SUFU: variants seen among roughly 807,000 people sequenced by gnomAD.
The protein encoded by SUFU is SUFU negative regulator of hedgehog signaling.
SUFU carries 7 observed loss-of-function variants against 58.9 expected under a neutral mutation model. That is an observed-to-expected ratio of 0.12 (90% CI 0.07 to 0.22). The LOEUF (loss-of-function observed/expected upper bound fraction) is 0.22. Among genes scored for constraint, SUFU ranks in the 10% least tolerant of loss-of-function variants. The pLI is 1.00. For missense variants in SUFU, 451 were observed against 641.3 expected (o/e 0.70, Z 3.20); for synonymous variants, 232 against 254.8 (o/e 0.91, Z 0.85).
intron 11 of SUFU, 141 bp downstream of exon 11, chr10:102,627,384 G>A (rs1324656138): frequency 2.4e-6 from 2 of 839,082 alleles, no homozygotes; most frequent in East Asian, 4.9e-5. Flanking sequence ...GGCTGCATCT[G>A]TGGGCTCCTC....
At chr10:102,511,285 A>G (rs2062398645) in intron 2 of SUFU, among the ~76,000 whole-genome samples, 1 of 152,064 alleles carries the variant, frequency 6.6e-6, no homozygotes. Context: ...TCTTCCCTCA[A>G]CCTCATTAGC....
chr10:102,593,862 C>G, intron 5 of SUFU, 131 bp from the exon 6 acceptor site: 1 of 1,359,736 alleles, frequency 7.4e-7, no homozygotes, highest in South Asian at 1.2e-5. Context: ...ACGACTCACT[C>G]CCTGACAGTC....
intron 8 of SUFU, among the ~76,000 whole-genome samples, chr10:102,607,138 T>C (rs1414143547): frequency 3.3e-5 from 5 of 150,968 alleles, no homozygotes; most frequent in African/African-American, 1.2e-4. Context: ...AACCTCTGCC[T>C]CCTGAGCTCA....
At chr10:102,573,232 A>T in intron 3 of SUFU, 3 of 707,610 alleles carry the variant, frequency 4.2e-6, no homozygotes, top group South Asian at 2.9e-5. Context: ...CCGTCTTGTG[A>T]AAAGGGCCTC....
chr10:102,518,109 T>C (rs2135654740), intron 2 of SUFU, among the ~76,000 whole-genome samples: 1 of 152,302 alleles, frequency 6.6e-6, no homozygotes. Context: ...AAACATATAA[T>C]TATTATTACA....
chr10:102,588,235 T>C (rs1440204413), intron 3 of SUFU, among the ~76,000 whole-genome samples: 1 of 151,588 alleles, frequency 6.6e-6, no homozygotes, highest in Non-Finnish European at 1.5e-5. Context: ...CTACTAAAAA[T>C]ACAAAAAATT....
rs2063719435 is a variant in SUFU at position 102,619,262 on chromosome 10, A to G, written c.1296+1834A>G. On this transcript the variant is annotated intron_variant, in intron 10 of 11. Transcript: ENST00000369902. The surrounding 1 kb of genome is among the most constrained non-coding windows in gnomAD (Gnocchi z 4.2). ...CAATTCCCCAAGCCCCTGACCCCCT[A>G]GCTGCCGGGGTTCCCACTCCCAGTG... 1.4e-6 allele frequency: 2 copies of G among 1,459,304 alleles called. No homozygotes were observed. Among genetic ancestry groups the G allele is most frequent in the African/African-American group, 2.8e-5 (2 of 70,332 alleles). The allele number at this position is 1,459,304 out of a possible 1,614,324, so 90.4% of individuals were successfully genotyped here. A position where few individuals can be genotyped will look rare whatever the true frequency, so the allele number is the denominator to read the frequency against.
intron 5 of SUFU, 129 bp downstream of exon 5, chr10:102,593,850 T>C (rs1236305716): frequency 7.3e-7 from 1 of 1,366,880 alleles, no homozygotes; most frequent in African/African-American, 1.4e-5. Context: ...CAGGGCTTCC[T>C]GACGACTCAC....
Position 102,615,503 on chromosome 10 carries a change from C to T in SUFU, c.1157+101C>T, listed in dbSNP as rs2063676928. On this transcript the variant is annotated intron_variant, in intron 9 of 11. Transcript: ENST00000369902. ...CCCAGCCCCCTCCCCCAGCAGGCGTCCTCCAGGGCCTCCAAGGAGCCACCA... is the reference window on the plus strand; with the variant it reads ...CCCAGCCCCCTCCCCCAGCAGGCGTTCTCCAGGGCCTCCAAGGAGCCACCA... The T allele has an allele frequency of 5.1e-6, 8 of 1,553,582 alleles. No homozygotes were observed. The East Asian group carries it at 1.8e-4, about 35-fold the overall frequency.
chr10:102,632,515 C>T lies in SUFU; in HGVS notation c.*2360C>T, dbSNP rs2063846339. On this transcript the variant is annotated 3_prime_UTR_variant, in exon 12 of 12. Coordinates refer to ENST00000369902, the MANE Select transcript of SUFU (RefSeq NM_016169.4). ...GGGCATTGGTGCCTCCCAGAGGTTT[C>T]TTGGGCTGCTGGCTGGTGAGAGAGG... The T allele has an allele frequency of 4.3e-6, 1 of 233,286 alleles. No individual in the cohort carries two copies. The highest frequency in any genetic ancestry group is 2.2e-5 in the African/African-American group (1 of 45,360). 14.5% of individuals were successfully genotyped at this position (233,286 alleles called of 1,614,324 possible). A position where few individuals can be genotyped will look rare whatever the true frequency, so the allele number is the denominator to read the frequency against.
intron 2 of SUFU, among the ~76,000 whole-genome samples, chr10:102,513,634 G>T (rs1356367451): frequency 6.6e-6 from 1 of 152,242 alleles, no homozygotes; most frequent in Admixed American, 6.5e-5. Context: ...TTCTAGTGAG[G>T]CTGCTGAATT....
intron 8 of SUFU, among the ~76,000 whole-genome samples, chr10:102,610,912 CAGAG>C (rs1318363707): frequency 1.3e-5 from 2 of 152,166 alleles, no homozygotes; most frequent in African/African-American, 4.8e-5. Context: ...ATTTCGTTGA[CAGAG>C]GGAGTGCAGT....
intron 3 of SUFU, among the ~76,000 whole-genome samples, chr10:102,581,724 C>A (rs1190507311): frequency 1.3e-5 from 2 of 152,208 alleles, no homozygotes; most frequent in Admixed American, 1.3e-4. Flanking sequence ...GTCTGTGTTA[C>A]TGGGGACATG....
intron 3 of SUFU, among the ~76,000 whole-genome samples, chr10:102,566,083 A>G (rs1160520950): frequency 6.6e-6 from 1 of 152,170 alleles, no homozygotes; most frequent in African/African-American, 2.4e-5. Context: ...GCAGGAGGTA[A>G]AGCACTTTGA....
rs1174152644 is a variant in SUFU, at chr10:102,607,179, T to C, written c.1022+7635T>C. ...TCTTCCCTCCTCAGCCTCCTGAGTA[T>C]CTGGTACCACAGGCACATGCCACCA... On this transcript the variant is annotated intron_variant, in intron 8 of 11. Transcript: ENST00000369902. Among the ~76,000 whole-genome samples the C allele has an allele frequency of 4.6e-5, 7 of 151,772 alleles. No homozygotes were observed. In the East Asian group the frequency reaches 7.8e-4, roughly 17 times the overall value.
chr10:102,571,121 T>A (rs72845082), intron 3 of SUFU, among the ~76,000 whole-genome samples: 13,994 of 152,220 alleles, frequency 0.092, 892 homozygotes, highest in Middle Eastern at 0.23. Flanking sequence ...AGAATAAAGC[T>A]AAGAGAGGAG....
At chr10:102,531,582 G>A (rs2062678332) in intron 2 of SUFU, among the ~76,000 whole-genome samples, 1 of 152,198 alleles carries the variant, frequency 6.6e-6, no homozygotes, top group Non-Finnish European at 1.5e-5. Flanking sequence ...CTGCAATACA[G>A]CAAGGAGAGT....
rs547009424 is a variant in SUFU at position 102,573,322 on chromosome 10, C to A, written c.455-19260C>A. 3.3e-3 allele frequency: 1,662 copies of A among 508,238 alleles called. 14 individuals carry two copies. The highest frequency in any genetic ancestry group is 3.3e-3 in the Non-Finnish European group (923 of 277,524). The allele number at this position is 508,238 out of a possible 1,614,324, so 31.5% of individuals were successfully genotyped here. On this transcript the variant is annotated intron_variant, in intron 3 of 11. Transcript: ENST00000369902. ...ACTATCAAAAAAAGAAAAAACAAAA[C>A]AAAACAGAAAATAGTATGTTAGCAA...
chr10:102,521,577 C>T (rs552031826), intron 2 of SUFU, among the ~76,000 whole-genome samples: 5 of 152,260 alleles, frequency 3.3e-5, no homozygotes, highest in African/African-American at 1.2e-4. Flanking sequence ...TTTGCAACCT[C>T]AATCCTAAGG....
Sources: allele counts gnomAD v4.1 joint callset (sites outside exome capture counted in the v4.1 genomes callset), GRCh38; gene constraint gnomAD v4.1.1; non-coding constraint Gnocchi (gnomAD v3.1); transcripts MANE v1.5; gene names NCBI Gene and HGNC (gene_info 2026-07-23, HGNC 2026-07-21).